The following GSE1 variants were observed in gnomAD, a reference collection of about 807,000 sequenced individuals.
GSE1 encodes genetic suppressor element 1.
In GSE1, 32 loss-of-function variants were observed where a neutral mutation model predicts 112.6. The ratio of observed to expected loss-of-function variants is 0.28; its 90% CI spans 0.21 to 0.38. GSE1 has a LOEUF of 0.38. Ranked by LOEUF, GSE1 falls within the 10% of genes least tolerant of loss-of-function variation. The probability of loss-of-function intolerance (pLI) is 1.00; values close to 1 mark genes in which losing one functional copy is unlikely to be tolerated. For missense variants in GSE1, 2,348 were observed against 1,699.2 expected (o/e 1.38, Z -6.71); for synonymous variants, 1,115 against 735.6 (o/e 1.52, Z -8.35).
At position 85,675,411 on chromosome 16, in the gene GSE1, A is replaced by G. The variant is rs903671637; in HGVS notation, c.*2872A>G. Reference sequence around the variant, plus strand: ...AGTCAGACTGACATGATAAAATATCATGTTCCTAATCTGTTGTCTCAGATA... The same window carrying G: ...AGTCAGACTGACATGATAAAATATCGTGTTCCTAATCTGTTGTCTCAGATA... On this transcript the variant is annotated 3_prime_UTR_variant, in exon 16 of 16. Transcript: ENST00000253458. 6.6e-6 allele frequency: 1 copy of G among 152,238 alleles called. No homozygotes were observed. Among genetic ancestry groups the G allele is most frequent in the African/African-American group, 2.4e-5 (1 of 41,450 alleles). 9.4% of individuals were successfully genotyped at this position (152,238 alleles called of 1,614,324 possible).
intron 1 of GSE1, among the ~76,000 whole-genome samples, chr16:85,201,404 T>C (rs1218086496): frequency 3.3e-5 from 5 of 150,708 alleles, no homozygotes; most frequent in Non-Finnish European, 7.4e-5. Flanking sequence ...ACTCCTGTAA[T>C]CCCAGCACTT....
At chr16:85,346,383 G>C (rs888898271) in intron 1 of GSE1, among the ~76,000 whole-genome samples, 1 of 151,524 alleles carries the variant, frequency 6.6e-6, no homozygotes, top group South Asian at 2.1e-4. Flanking sequence ...GCAGGTGGGT[G>C]GATGATGGAT....
intron 2 of GSE1, among the ~76,000 whole-genome samples, chr16:85,548,710 G>T (rs1446465180): frequency 1.3e-5 from 2 of 152,202 alleles, no homozygotes; most frequent in Non-Finnish European, 2.9e-5. Context: ...TAAACGTGGG[G>T]GTGCAGGTGC....
chr16:85,520,997 C>G (rs1007084951), intron 2 of GSE1, among the ~76,000 whole-genome samples: 1 of 152,088 alleles, frequency 6.6e-6, no homozygotes, highest in Admixed American at 6.5e-5. Context: ...TGCTTGGGGC[C>G]GGAAAGTCTC....
chr16:85,568,437 C>T (rs2045850177), intron 1 of GSE1, among the ~76,000 whole-genome samples: 1 of 152,214 alleles, frequency 6.6e-6, no homozygotes, highest in Non-Finnish European at 1.5e-5. Context: ...GGGCCCCTCA[C>T]TGGATCAGTG....
At chr16:85,648,950 C>A (rs959728830) in intron 3 of GSE1, among the ~76,000 whole-genome samples, 199 bp downstream of exon 3, 2 of 152,058 alleles carry the variant, frequency 1.3e-5, no homozygotes, top group Non-Finnish European at 2.9e-5. Flanking sequence ...GTGAGTACAT[C>A]GGCCCACGCA....
In GSE1 at chr16:85,264,381, T is replaced by A. The variant is rs112605863; in HGVS notation, c.2283+92574T>A. Among the ~76,000 whole-genome samples, 259 of 152,194 alleles carry A rather than the reference T, an allele frequency of 1.7e-3. 1 individual carries two copies. Among genetic ancestry groups the A allele is most frequent in the African/African-American group, 6.1e-3 (253 of 41,534 alleles). On this transcript the variant is annotated intron_variant, in intron 1 of 2. Coordinates refer to the GSE1 transcript ENST00000637419. The stretch of plus-strand genomic sequence containing the variant: ...GGTGAGGTAGAGGGGAGCCCTGGCC[T>A]CACGCTGGGCAGGCTGTTGTGGGGG...
At chr16:85,545,319 G>GAGCTTGCTGGC (rs752567345) in intron 2 of GSE1, among the ~76,000 whole-genome samples, 11 of 152,200 alleles carry the variant, frequency 7.2e-5, no homozygotes, top group Non-Finnish European at 1.5e-4. Context: ...CCCAAATACT[G>GAGCTTGCTGGC]AGCTTGCTGG....
chr16:85,319,047 G>A (rs1465348012), intron 1 of GSE1, among the ~76,000 whole-genome samples: 1 of 152,222 alleles, frequency 6.6e-6, no homozygotes, highest in African/African-American at 2.4e-5. Context: ...TATCTTGGAA[G>A]GGTGGAGTGG....
At chr16:85,431,030 C>T (rs967698459) in intron 2 of GSE1, among the ~76,000 whole-genome samples, 2 of 152,132 alleles carry the variant, frequency 1.3e-5, no homozygotes, top group Non-Finnish European at 2.9e-5. Context: ...TTTAAAGCTC[C>T]CCAAGTGATT....
chr16:85,218,408 C>G (rs1237949436), intron 1 of GSE1, among the ~76,000 whole-genome samples: 1 of 152,198 alleles, frequency 6.6e-6, no homozygotes, highest in Non-Finnish European at 1.5e-5. Context: ...TCCTAAGATT[C>G]TTTGAAAGAG....
At chr16:85,358,215 G>C (rs576395397) in intron 2 of GSE1, among the ~76,000 whole-genome samples, 18 of 152,330 alleles carry the variant, frequency 1.2e-4, no homozygotes, top group African/African-American at 3.8e-4. Context: ...CTGAGGCCAG[G>C]CGAGGCTGTG....
intron 1 of GSE1, among the ~76,000 whole-genome samples, chr16:85,274,357 C>T (rs1468334274): frequency 1.3e-5 from 2 of 151,998 alleles, no homozygotes; most frequent in Non-Finnish European, 2.9e-5. Flanking sequence ...TGCACTCCAG[C>T]CTGGGTGACG....
At chr16:85,604,491 G>A (rs555685064) in intron 1 of GSE1, among the ~76,000 whole-genome samples, 4 of 151,874 alleles carry the variant, frequency 2.6e-5, no homozygotes, top group South Asian at 4.2e-4. Context: ...TTGCGTGGAC[G>A]CGAAGGTATG....
At chr16:85,636,700 G>A (rs2151774052) in intron 2 of GSE1, among the ~76,000 whole-genome samples, 1 of 152,312 alleles carries the variant, frequency 6.6e-6, no homozygotes, top group African/African-American at 2.4e-5. Flanking sequence ...GGGGGGGGCT[G>A]GGAGAGCCGC....
At chr16:85,665,550 C>T (rs1295671995) in intron 12 of GSE1, among the ~76,000 whole-genome samples, 1 of 151,842 alleles carries the variant, frequency 6.6e-6, no homozygotes, top group South Asian at 2.1e-4. Flanking sequence ...CCTCACTCTG[C>T]CCTCTGGGCC....
At chr16:85,232,512 T>C (rs1567626440) in intron 1 of GSE1, among the ~76,000 whole-genome samples, 2 of 152,088 alleles carry the variant, frequency 1.3e-5, no homozygotes, top group Admixed American at 6.5e-5. Flanking sequence ...CTTTTCCTGC[T>C]CAGGGTGTGG....
intron 1 of GSE1, among the ~76,000 whole-genome samples, chr16:85,605,816 C>CGCAT (rs2047680988): frequency 6.6e-6 from 1 of 151,942 alleles, no homozygotes; most frequent in African/African-American, 2.4e-5. Context: ...AACTGAAGAC[C>CGCAT]GCATTGTAGG....
In GSE1 at chr16:85,668,394, G is replaced by A. The variant is rs180780537; in HGVS notation, c.3385G>A (p.Val1129Ile). 92 of 1,608,276 alleles carry A rather than the reference G, an allele frequency of 5.7e-5. 1 individual carries two copies. The highest frequency in any genetic ancestry group is 5.7e-4 in the South Asian group (52 of 90,930). The change falls in exon 14 of 16, where the codon GTT becomes ATT. Residue 1129 changes from valine (V) to isoleucine (I), a missense_variant. By Grantham distance (29) the Val-to-Ile change is conservative. Coordinates refer to ENST00000253458, the MANE Select transcript of GSE1 (RefSeq NM_014615.5). ...GCGCAAGTGGCAAGGGATCGAGGCC[G>A]TTTTTGAAGCTTACCAGGAACACAT... is the stretch of plus-strand genomic sequence containing the variant. ...PKRKWQGIEA[V>I]FEAYQEHIEE... is the part of the protein sequence containing the mutation.
Sources: allele counts gnomAD v4.1 joint callset (sites outside exome capture counted in the v4.1 genomes callset), GRCh38; gene constraint gnomAD v4.1.1; transcripts MANE v1.5; gene names NCBI Gene and HGNC (gene_info 2026-07-23, HGNC 2026-07-21).